The following SGMS1 variants were observed in gnomAD, a reference collection of about 807,000 sequenced individuals.
SGMS1 encodes the protein sphingomyelin synthase 1, also known as phosphatidylcholine:ceramide cholinephosphotransferase 1.
In SGMS1, 13 loss-of-function variants were observed where a neutral mutation model predicts 46.2. The ratio of observed to expected loss-of-function variants is 0.28; its 90% confidence interval spans 0.18 to 0.45. SGMS1 has a LOEUF of 0.45. SGMS1 is among the 20% of genes least tolerant of loss of function. SGMS1 has a pLI of 1.00. For synonymous variants in SGMS1, 203 were observed against 187.8 expected (o/e 1.08, Z -0.66); for missense variants, 324 against 519.9 (o/e 0.62, Z 3.66).
At chr10:50,370,843 C>G (rs1346654375) in intron 6 of SGMS1, among the ~76,000 whole-genome samples, 2 of 152,018 alleles carry the variant, frequency 1.3e-5, no homozygotes, top group African/African-American at 4.8e-5. Context: ...CTTGTCCCAC[C>G]AGAAGGTCTT....
chr10:50,395,633 G>A (rs773859335), intron 6 of SGMS1, among the ~76,000 whole-genome samples: 28 of 152,294 alleles, frequency 1.8e-4, no homozygotes, highest in Middle Eastern at 3.4e-3. Context: ...GAATGCTTTA[G>A]AAAGACTTGA....
chr10:50,522,211 C>T (rs149457012), intron 2 of SGMS1, among the ~76,000 whole-genome samples: 59 of 152,276 alleles, frequency 3.9e-4, no homozygotes, highest in African/African-American at 1.2e-3. Flanking sequence ...TATTTTGGTG[C>T]TCCAGCTGTC....
intron 5 of SGMS1, among the ~76,000 whole-genome samples, chr10:50,448,174 A>G (rs997721767): frequency 1.3e-5 from 2 of 151,872 alleles, no homozygotes; most frequent in Non-Finnish European, 2.9e-5. Context: ...CTTGGGCCCA[A>G]GAGGTGGATG....
chr10:50,544,508 TGAGA>T (rs374020867), intron 2 of SGMS1, among the ~76,000 whole-genome samples: 122 of 152,360 alleles, frequency 8.0e-4, no homozygotes, highest in African/African-American at 2.8e-3. Flanking sequence ...CAGCTGCAAC[TGAGA>T]GTTTTTTTGA....
intron 3 of SGMS1, among the ~76,000 whole-genome samples, chr10:50,509,142 T>C (rs1837732741): frequency 6.6e-6 from 1 of 152,224 alleles, no homozygotes; most frequent in African/African-American, 2.4e-5. Context: ...TTATACATAT[T>C]GTTGAGATAT....
At chr10:50,600,748 T>C (rs546932043) in intron 1 of SGMS1, among the ~76,000 whole-genome samples, 6 of 152,330 alleles carry the variant, frequency 3.9e-5, no homozygotes, top group African/African-American at 1.4e-4. Flanking sequence ...CTTCTATGTG[T>C]CAGACACCAT....
chr10:50,536,572 A>G (rs887668064), intron 2 of SGMS1, among the ~76,000 whole-genome samples: 1 of 152,220 alleles, frequency 6.6e-6, no homozygotes, highest in African/African-American at 2.4e-5. Flanking sequence ...CATTTTATGT[A>G]CAGCACTAAA....
chr10:50,568,394 A>C (rs747827693), intron 2 of SGMS1, among the ~76,000 whole-genome samples: 6 of 152,206 alleles, frequency 3.9e-5, no homozygotes, highest in Non-Finnish European at 8.8e-5. Flanking sequence ...TTTTGAGCCA[A>C]AGGGAGCCAC....
At chr10:50,425,305 A>T (rs1237415890) in intron 6 of SGMS1, among the ~76,000 whole-genome samples, 1 of 152,230 alleles carries the variant, frequency 6.6e-6, no homozygotes, top group Non-Finnish European at 1.5e-5. Flanking sequence ...TATATGTTCA[A>T]TGCAGCACCA....
intron 3 of SGMS1, among the ~76,000 whole-genome samples, chr10:50,469,340 G>A (rs1837358725): frequency 6.6e-6 from 1 of 152,180 alleles, no homozygotes; most frequent in African/African-American, 2.4e-5. Context: ...GCTTGAGAAG[G>A]TCTAGAGGGA....
At chr10:50,575,779 CTA>C (rs1384342081) in intron 2 of SGMS1, among the ~76,000 whole-genome samples, 1 of 151,934 alleles carries the variant, frequency 6.6e-6, no homozygotes, top group African/African-American at 2.4e-5. Flanking sequence ...CTCAATAAGG[CTA>C]GGGAAAAAAC....
intron 6 of SGMS1, among the ~76,000 whole-genome samples, chr10:50,384,242 T>G (rs1848649040): frequency 6.6e-6 from 1 of 152,236 alleles, no homozygotes; most frequent in African/African-American, 2.4e-5. Context: ...CTTCACTCAC[T>G]AATGATTACC....
At chr10:50,624,858 C>T (rs12763325), upstream of SGMS1, 7 of 993,818 alleles carry the variant, frequency 7.0e-6, no homozygotes, top group African/African-American at 3.5e-5. Context: ...CGAGGCCGTG[C>T]CTCCCGCGGG....
chr10:50,557,565 CTT>C (rs2133840669), intron 2 of SGMS1, among the ~76,000 whole-genome samples: 1 of 147,184 alleles, frequency 6.8e-6, no homozygotes, highest in South Asian at 2.2e-4. Context: ...AACGAAAAGA[CTT>C]TTAAAAGGAA....
At chr10:50,568,695 G>T (rs10740729) in intron 2 of SGMS1, among the ~76,000 whole-genome samples, 54,791 of 152,054 alleles carry the variant, frequency 0.36, 10,935 homozygotes, top group East Asian at 0.74. Flanking sequence ...AGTTTGTTTT[G>T]TTAAAAGATA....
intron 6 of SGMS1, among the ~76,000 whole-genome samples, chr10:50,390,934 G>A (rs1294241878): frequency 6.6e-6 from 1 of 152,138 alleles, no homozygotes; most frequent in Non-Finnish European, 1.5e-5. Flanking sequence ...GGTAGCAGTG[G>A]AGAGGTAGAA....
At chr10:50,374,452 A>T (rs2133453758) in intron 6 of SGMS1, among the ~76,000 whole-genome samples, 1 of 115,762 alleles carries the variant, frequency 8.6e-6, no homozygotes, top group South Asian at 2.8e-4. Flanking sequence ...CACCCCCATT[A>T]TCTAATCTAT....
chr10:50,497,410 A>C (rs1837624076), intron 3 of SGMS1, among the ~76,000 whole-genome samples: 1 of 152,270 alleles, frequency 6.6e-6, no homozygotes, highest in African/African-American at 2.4e-5. Context: ...AACAAGCTTC[A>C]GTGTTCTATC....
rs760802468 is a variant in SGMS1 at position 50,369,754 on chromosome 10, A to G, written c.-231-25409T>C. 4.6e-5 allele frequency among the ~76,000 whole-genome samples: 7 copies of G among 152,344 alleles called. No homozygotes were observed. The South Asian group carries it at 1.5e-3, about 32-fold the overall frequency. On this transcript the variant is annotated intron_variant, in intron 6 of 10. Coordinates refer to ENST00000361781, the MANE Select transcript of SGMS1 (RefSeq NM_147156.4). Reference sequence around the variant, plus strand: ...CAAGTTCTGCCAATTCTACCTCTTAAGTATATCATAAATCCATCTACAGTC... The same window carrying G: ...CAAGTTCTGCCAATTCTACCTCTTAGGTATATCATAAATCCATCTACAGTC...
Sources: gnomAD v4.1 joint callset for allele counts (sites outside exome capture counted in the v4.1 genomes callset) on GRCh38, gnomAD v4.1.1 for gene constraint, MANE v1.5 for transcripts, NCBI Gene and HGNC (gene_info 2026-07-23, HGNC 2026-07-21) for gene names.